LRRC43: variants seen among roughly 807,000 people sequenced by gnomAD.
LRRC43 encodes the protein leucine-rich repeat-containing protein 43.
LRRC43 carries 62 observed loss-of-function variants against 64.3 expected under a neutral mutation model. The ratio of observed to expected loss-of-function variants is 0.96; its 90% CI spans 0.79 to 1.19. LRRC43 has a LOEUF of 1.19. Among genes scored for constraint, LRRC43 ranks in the 50% most tolerant of loss-of-function variants. LRRC43 has a pLI of 0.00. For missense variants in LRRC43, 868 were observed against 845.0 expected, an observed-to-expected ratio of 1.03 and a Z score of -0.34; for synonymous variants, 422 against 382.3, an observed-to-expected ratio of 1.10 and a Z score of -1.21.
intron 2 of LRRC43, among the ~76,000 whole-genome samples, chr12:122,185,774 G>T (rs940806576): frequency 1.3e-5 from 2 of 152,192 alleles, no homozygotes; most frequent in Non-Finnish European, 2.9e-5. Context: ...TGTCTTTGAG[G>T]TCACAGGAAC....
chr12:122,191,800 C>T (rs1006494241), intron 6 of LRRC43, among the ~76,000 whole-genome samples: 8 of 151,884 alleles, frequency 5.3e-5, no homozygotes, highest in Non-Finnish European at 7.4e-5. Flanking sequence ...ATTACAGGTC[C>T]CCACCACTAG....
At chr12:122,188,027 G>A in intron 4 of LRRC43, 187 bp downstream of exon 4, 1 of 593,364 alleles carries the variant, frequency 1.7e-6, no homozygotes, top group Non-Finnish European at 2.9e-6. Context: ...AAAAAGCCCG[G>A]GGAAGGAGAA....
chr12:122,184,463 G>T lies in LRRC43; in HGVS notation c.151-56G>T, dbSNP rs1953617086. 6.3e-7 allele frequency: 1 copy of T among 1,580,536 alleles called. No individual in the cohort carries two copies. Among genetic ancestry groups the T allele is most frequent in the Non-Finnish European group, 8.6e-7 (1 of 1,160,866 alleles). Reference sequence around the variant, plus strand: ...TGATCTGTTCTGTTTTGAGAGTTTGGTGTCCTTAAGGGGGCTGTGTCACAC... The same window carrying T: ...TGATCTGTTCTGTTTTGAGAGTTTGTTGTCCTTAAGGGGGCTGTGTCACAC... On this transcript the variant is annotated intron_variant, in intron 1 of 11. Coordinates refer to ENST00000339777, the MANE Select transcript of LRRC43 (RefSeq NM_001098519.2). This position sits in a 1 kb window ranked among gnomAD's most constrained non-coding sequence, Gnocchi z 4.0.
At chr12:122,179,990 AG>A (rs1312370969), upstream of LRRC43, among the ~76,000 whole-genome samples, 34 of 149,014 alleles carry the variant, frequency 2.3e-4, no homozygotes, top group African/African-American at 7.4e-4. Flanking sequence ...AAAAAAAAAG[AG>A]AGAGAGAAAG....
rs779792928 is a variant in LRRC43, at chr12:122,191,534, C to A, written c.1056C>A (p.Gly352=). 6.2e-6 allele frequency: 10 copies of A among 1,613,952 alleles called. No individual in the cohort carries two copies. Among genetic ancestry groups the A allele is most frequent in the South Asian group, 1.1e-5 (1 of 91,084 alleles). The change falls in exon 6 of 12, where the codon GGC becomes GGA. Residue 352 remains glycine, a synonymous_variant. Coordinates refer to ENST00000339777, the MANE Select transcript of LRRC43 (RefSeq NM_001098519.2). ...VTYDFVKDEE[G]EMNESAGVLA... ...ATGATTTTGTGAAAGATGAAGAAGG[C>A]GAAATGAATGAGTCCGCGGGCGTCC...
At position 122,191,492 on chromosome 12, in the gene LRRC43, C is replaced by A. The variant is rs377355304; in HGVS notation, c.1014C>A (p.Tyr338Ter). The A allele has an allele frequency of 1.6e-5, 26 of 1,614,006 alleles. No individual in the cohort carries two copies. Among genetic ancestry groups the A allele is most frequent in the Admixed American group, 3.3e-5 (2 of 59,986 alleles). ...GGCCCGAAGGCCCTTTCATCACTTA[C>A]AACTATTACGTGACCTATGATTTTG... Reference protein sequence around the residue: ...EPRPEGPFITYNYYVTYDFVK... With the variant: ...EPRPEGPFIT The change falls in exon 6 of 12, where the codon TAC becomes TAA. Residue 338 changes from tyrosine to a stop codon, truncating the protein, a stop_gained. Transcript: ENST00000339777. LOFTEE classifies it high-confidence loss of function.
rs779523748 is a variant in LRRC43, at chr12:122,201,322, C to A, written c.1836C>A (p.Ala612=). ...ATTCAAAGAAGATTAAGAAAGTTGCCAAAAAAGGTGAGTGCCGATGGTGGT... is the reference window on the plus strand; with the variant it reads ...ATTCAAAGAAGATTAAGAAAGTTGCAAAAAAAGGTGAGTGCCGATGGTGGT... The part of the protein sequence containing the change: ...ARDSKKIKKV[A]KKEKPKAVIP... Residue 612 remains alanine, a synonymous_variant, in exon 11 of 12, where the codon GCC becomes GCA. Coordinates refer to ENST00000339777, the MANE Select transcript of LRRC43 (RefSeq NM_001098519.2). 3 of 1,613,888 alleles carry A rather than the reference C, an allele frequency of 1.9e-6. No individual in the cohort carries two copies. Among genetic ancestry groups the A allele is most frequent in the Non-Finnish European group, 2.5e-6 (3 of 1,179,872 alleles).
rs963732140 is a variant in LRRC43, at chr12:122,193,036, G to A, written c.1349+32G>A. The A allele has an allele frequency of 3.1e-6, 5 of 1,609,100 alleles. No homozygotes were observed. The African/African-American group carries it at 5.3e-5, about 17-fold the overall frequency. On this transcript the variant is annotated intron_variant, in intron 7 of 11. Transcript: ENST00000339777. ...ATGGAAATCTGAACCAGGGCAAGTG[G>A]TCAGAGCAGTAGGGTCACGAGCCTA...
At chr12:122,180,321 C>T (rs1473345366), upstream of LRRC43, among the ~76,000 whole-genome samples, 1 of 152,088 alleles carries the variant, frequency 6.6e-6, no homozygotes, top group Non-Finnish European at 1.5e-5. Flanking sequence ...GAGTTCGAGA[C>T]CAGCCTGACC....
chr12:122,191,517 GTGAAAGA>G lies in LRRC43; in HGVS notation c.1044_1050del (p.Asp349LysfsTer4), dbSNP rs1953718199. 1 of 1,614,042 alleles carries G rather than the reference GTGAAAGA, an allele frequency of 6.2e-7. No homozygotes were observed. Reference sequence around the variant, plus strand: ...CAACTATTACGTGACCTATGATTTTGTGAAAGATGAAGAAGGCGAAATGAATGAGTCC... The same window carrying G: ...CAACTATTACGTGACCTATGATTTTGTGAAGAAGGCGAAATGAATGAGTCC... On this transcript the variant is annotated frameshift_variant, in exon 6 of 12. Coordinates refer to ENST00000339777, the MANE Select transcript of LRRC43 (RefSeq NM_001098519.2). LOFTEE classifies it high-confidence loss of function.
intron 7 of LRRC43, among the ~76,000 whole-genome samples, chr12:122,196,020 ACTTTTGGATTTGG>A (rs1381745729): frequency 5.9e-5 from 9 of 152,096 alleles, no homozygotes; most frequent in Non-Finnish European, 1.0e-4. Context: ...CTCAGCCACC[ACTTTTGGATTTGG>A]CTCTTGAGCA....
At chr12:122,199,605 G>A (rs1268247627) in intron 7 of LRRC43, among the ~76,000 whole-genome samples, 2 of 151,116 alleles carry the variant, frequency 1.3e-5, no homozygotes, top group African/African-American at 2.4e-5. Flanking sequence ...TTCTCCTGCA[G>A]GAGGGTCTCA....
chr12:122,183,544 T>C (rs2292443), intron 1 of LRRC43, among the ~76,000 whole-genome samples: 105,798 of 152,052 alleles, frequency 0.7, 37,048 homozygotes, highest in East Asian at 0.78. Context: ...CTTGAAGACG[T>C]CAACACCCCA....
intron 7 of LRRC43, among the ~76,000 whole-genome samples, chr12:122,194,521 G>A (rs576538262): frequency 1.8e-4 from 27 of 149,278 alleles, no homozygotes; most frequent in African/African-American, 5.4e-4. Flanking sequence ...AGCCAGGATT[G>A]CACCATTCCA....
At chr12:122,192,715 C>A (rs781324603) in intron 6 of LRRC43, 30 bp from the exon 7 acceptor site, 7 of 1,607,596 alleles carry the variant, frequency 4.4e-6, no homozygotes, top group Non-Finnish European at 6.0e-6. Context: ...AAGACGGCAG[C>A]CTTGGACGAG....
upstream of LRRC43, among the ~76,000 whole-genome samples, chr12:122,178,370 C>T (rs145657934): frequency 2.0e-5 from 3 of 152,216 alleles, no homozygotes; most frequent in East Asian, 1.9e-4. Flanking sequence ...CCTAGCTCCA[C>T]GGTGTCCACC....
In LRRC43 at chr12:122,200,633, G is replaced by C; in HGVS notation, c.1593G>C (p.Thr531=). Residue 531 remains threonine (T), a synonymous_variant, in exon 9 of 12, where the codon ACG becomes ACC. Transcript: ENST00000339777. The surrounding 1 kb of genome is among the most constrained non-coding windows in gnomAD (Gnocchi z 4.6). The part of the protein sequence containing the change: ...KDKKGKEKDR[T]GKGEKEPAKE... ...AGAAAGGGAAGGAGAAAGACAGGAC[G>C]GGGAAAGGAGAGAAAGAGCCGGCCA... The C allele has an allele frequency of 6.5e-7, 1 of 1,534,332 alleles. No individual in the cohort carries two copies. Among genetic ancestry groups the C allele is most frequent in the Non-Finnish European group, 9.0e-7 (1 of 1,110,236 alleles).
chr12:122,193,525 C>G (rs1953744959), intron 7 of LRRC43, among the ~76,000 whole-genome samples: 1 of 151,110 alleles, frequency 6.6e-6, no homozygotes. Flanking sequence ...CAAAGTACAA[C>G]TGAGTCCCAC....
intron 2 of LRRC43, among the ~76,000 whole-genome samples, 158 bp from the exon 3 acceptor site, chr12:122,186,032 A>G (rs1444932059): frequency 6.6e-6 from 1 of 151,276 alleles, no homozygotes; most frequent in Non-Finnish European, 1.5e-5. Context: ...ATCCTGGCAG[A>G]GCGATGCAGT....
Sources: allele counts gnomAD v4.1 joint callset (sites outside exome capture counted in the v4.1 genomes callset), GRCh38; gene constraint gnomAD v4.1.1; non-coding constraint Gnocchi (gnomAD v3.1); transcripts MANE v1.5; gene names NCBI Gene and HGNC (gene_info 2026-07-23, HGNC 2026-07-21).